Variants in MYPN observed in about 807,000 individuals in gnomAD.
MYPN encodes the protein sarcomeric protein myopalladin, 145 kDa (MYOP).
MYPN carries 63 observed loss-of-function variants against 129.4 expected under a neutral mutation model. The observed-to-expected ratio is 0.49, with a 90% confidence interval of 0.40 to 0.60. MYPN has a LOEUF of 0.60. Among genes scored for constraint, MYPN ranks in the 20% least tolerant of loss-of-function variants. The pLI is 0.00. For missense variants in MYPN, 1,596 were observed against 1,635.4 expected (o/e 0.98, Z 0.42); for synonymous variants, 629 against 600.9 (o/e 1.05, Z -0.68).
intron 12 of MYPN, among the ~76,000 whole-genome samples, chr10:68,182,697 G>A (rs543548253): frequency 4.6e-5 from 7 of 151,748 alleles, no homozygotes; most frequent in African/African-American, 9.7e-5. Flanking sequence ...TAGTAGAGAC[G>A]AGGTTTCACC....
intron 4 of MYPN, among the ~76,000 whole-genome samples, chr10:68,147,445 C>T (rs936453500): frequency 1.3e-5 from 2 of 152,150 alleles, no homozygotes; most frequent in African/African-American, 4.8e-5. Context: ...GTGTGAGCCA[C>T]CGTGCCCCCT....
intron 1 of MYPN, among the ~76,000 whole-genome samples, chr10:68,090,169 A>C (rs566126711): frequency 6.6e-6 from 1 of 151,800 alleles, no homozygotes; most frequent in East Asian, 1.9e-4. Flanking sequence ...CTCAATGAAC[A>C]CTTTTTTTTT....
intron 12 of MYPN, among the ~76,000 whole-genome samples, chr10:68,178,463 C>G (rs1277891148): frequency 2.0e-5 from 3 of 151,878 alleles, no homozygotes; most frequent in African/African-American, 7.3e-5. Flanking sequence ...GCTTGTAATC[C>G]TAGCACTTTG....
chr10:68,124,989 C>T (rs1454843812), intron 2 of MYPN, among the ~76,000 whole-genome samples: 1 of 152,056 alleles, frequency 6.6e-6, no homozygotes, highest in Non-Finnish European at 1.5e-5. Flanking sequence ...GTGATATACA[C>T]AAAACTTAGG....
chr10:68,107,206 T>G (rs1478772840), upstream of MYPN, among the ~76,000 whole-genome samples: 1 of 152,176 alleles, frequency 6.6e-6, no homozygotes, highest in East Asian at 1.9e-4. Flanking sequence ...TAAATATTAT[T>G]TATTTAAAAC....
chr10:68,096,110 G>A (rs149364847), intron 1 of MYPN, among the ~76,000 whole-genome samples: 10 of 152,244 alleles, frequency 6.6e-5, no homozygotes, highest in South Asian at 2.1e-4. Context: ...CAAATCAACC[G>A]ATATTTCTAA....
intron 8 of MYPN, among the ~76,000 whole-genome samples, chr10:68,164,891 T>A (rs2134162965): frequency 6.6e-6 from 1 of 152,366 alleles, no homozygotes; most frequent in East Asian, 1.9e-4. Flanking sequence ...TTACTACTAG[T>A]AAAGCAAAAT....
At chr10:68,202,037 G>T in intron 18 of MYPN, 43 bp downstream of exon 18, 4 of 1,611,202 alleles carry the variant, frequency 2.5e-6, no homozygotes, top group Non-Finnish European at 3.4e-6. Flanking sequence ...ACTCTCAGTG[G>T]GGCTTGTTGC....
At chr10:68,203,655 C>T (rs1463629934) in intron 18 of MYPN, among the ~76,000 whole-genome samples, 1 of 151,774 alleles carries the variant, frequency 6.6e-6, no homozygotes, top group Non-Finnish European at 1.5e-5. Flanking sequence ...AAACCACACA[C>T]CTAGGAACAT....
intron 4 of MYPN, 52 bp from the exon 5 acceptor site, chr10:68,148,301 T>C (rs1589556314): frequency 7.1e-7 from 1 of 1,404,854 alleles, no homozygotes; most frequent in East Asian, 2.4e-5. Context: ...AAAATAATTT[T>C]CACAAAGAGT....
In MYPN at chr10:68,133,360, A is replaced by G. The variant is rs528405932; in HGVS notation, c.903-9580A>G. Among the ~76,000 whole-genome samples the G allele has an allele frequency of 3.9e-5, 6 of 152,258 alleles. No individual in the cohort carries two copies. In the East Asian group the frequency reaches 1.2e-3, roughly 29 times the overall value. ...AAATTTTAACAAATTTCTCAAAGGT[A>G]GAAAGCATATAGATGGAAGAGAGTC... is the stretch of plus-strand genomic sequence containing the variant. On this transcript the variant is annotated intron_variant, in intron 2 of 19. Transcript: ENST00000358913.
chr10:68,112,463 A>G (rs2042095576), intron 1 of MYPN, among the ~76,000 whole-genome samples: 1 of 152,182 alleles, frequency 6.6e-6, no homozygotes, highest in African/African-American at 2.4e-5. Flanking sequence ...GATTAAAATA[A>G]TAATAAGAAA....
At chr10:68,171,464 G>A (rs563422258) in intron 10 of MYPN, among the ~76,000 whole-genome samples, 148 of 152,258 alleles carry the variant, frequency 9.7e-4, no homozygotes, top group African/African-American at 3.3e-3. Flanking sequence ...TACACCTGCC[G>A]AATGAGAAAC....
chr10:68,110,917 A>G (rs966254006), intron 1 of MYPN, among the ~76,000 whole-genome samples: 6 of 152,226 alleles, frequency 3.9e-5, no homozygotes, highest in African/African-American at 1.4e-4. Flanking sequence ...ACAGAATCTT[A>G]TAATAATGGA....
Position 68,143,053 on chromosome 10 carries a change from A to C in MYPN, c.1016A>C (p.Tyr339Ser). ...AEAFEEDTGR[Y>S]SCFASNIYGT... Reference sequence around the variant, plus strand: ...GCCTTTGAAGAGGACACAGGACGCTATTCCTGCTTTGCTTCTAACATCTAT... The same window carrying C: ...GCCTTTGAAGAGGACACAGGACGCTCTTCCTGCTTTGCTTCTAACATCTAT... Residue 339 changes from tyrosine (Y) to serine (S), a missense_variant, in exon 3 of 20, where the codon TAT (tyrosine) becomes TCT (serine). Coordinates refer to ENST00000358913, the MANE Select transcript of MYPN (RefSeq NM_032578.4). The C allele has an allele frequency of 6.2e-7, 1 of 1,614,172 alleles. No individual in the cohort carries two copies. Among genetic ancestry groups the C allele is most frequent in the Non-Finnish European group, 8.5e-7 (1 of 1,180,010 alleles).
chr10:68,199,380 C>T lies in MYPN; in HGVS notation c.3298C>T (p.Pro1100Ser). 1 of 1,613,974 alleles carries T rather than the reference C, an allele frequency of 6.2e-7. No homozygotes were observed. The highest frequency in any genetic ancestry group is 8.5e-7 in the Non-Finnish European group (1 of 1,179,918). Reference sequence around the variant, plus strand: ...TGTTGTTTATTAGGTGAGTGGTTTACCGCCCCCGGAGCTGACATGGCTACT... The same window carrying T: ...TGTTGTTTATTAGGTGAGTGGTTTATCGCCCCCGGAGCTGACATGGCTACT... Reference protein sequence around the residue: ...CRLDCKVSGLPPPELTWLLNG... With the variant: ...CRLDCKVSGLSPPELTWLLNG... The change falls in exon 17 of 20, where the codon CCG (proline) becomes TCG (serine). Residue 1100 changes from proline (P) to serine (S), a missense_variant. Coordinates refer to ENST00000358913, the MANE Select transcript of MYPN (RefSeq NM_032578.4).
At chr10:68,200,882 C>T (rs79827625) in intron 17 of MYPN, among the ~76,000 whole-genome samples, 237 of 152,206 alleles carry the variant, frequency 1.6e-3, no homozygotes, top group African/African-American at 5.4e-3. Flanking sequence ...ACCAATAAAA[C>T]AGGAAAAACT....
At chr10:68,105,779 A>G (rs577841906), upstream of MYPN, among the ~76,000 whole-genome samples, 1 of 152,112 alleles carries the variant, frequency 6.6e-6, no homozygotes, top group Admixed American at 6.5e-5. Flanking sequence ...TTGGTACCAG[A>G]TAAAGATATT....
At chr10:68,205,787 T>A (rs2043805176) in intron 18 of MYPN, among the ~76,000 whole-genome samples, 2 of 152,202 alleles carry the variant, frequency 1.3e-5, no homozygotes. Context: ...CGTAAGTGTT[T>A]ACTAAAGAAA....
Sources: allele counts gnomAD v4.1 joint callset (sites outside exome capture counted in the v4.1 genomes callset), GRCh38; gene constraint gnomAD v4.1.1; transcripts MANE v1.5; gene names NCBI Gene and HGNC (gene_info 2026-07-23, HGNC 2026-07-21).